The following NTM variants were observed in gnomAD, a reference collection of about 807,000 sequenced individuals.
NTM encodes the protein IgLON family member 2.
NTM carries 13 observed loss-of-function variants against 42.1 expected under a neutral mutation model. That is an observed-to-expected ratio of 0.31 (90% CI 0.20 to 0.49). NTM has a LOEUF of 0.49. Ranked by LOEUF, NTM falls within the 20% of genes least tolerant of loss-of-function variation. The pLI is 0.99. For missense variants in NTM, 373 were observed against 452.8 expected (o/e 0.82, Z 1.60); for synonymous variants, 187 against 179.2 (o/e 1.04, Z -0.35).
chr11:131,532,838 T>C (rs1302625411), intron 1 of NTM, among the ~76,000 whole-genome samples: 1 of 152,250 alleles, frequency 6.6e-6, no homozygotes, highest in Non-Finnish European at 1.5e-5. Context: ...CTGAATGTTA[T>C]TTTCATGTGT....
chr11:131,665,796 G>C (rs2068940222), intron 1 of NTM, among the ~76,000 whole-genome samples: 1 of 152,196 alleles, frequency 6.6e-6, no homozygotes. Flanking sequence ...AAAGAGGCAG[G>C]CTTGTGAGAC....
chr11:132,227,433 A>G (rs2086546233), intron 4 of NTM, among the ~76,000 whole-genome samples: 1 of 152,194 alleles, frequency 6.6e-6, no homozygotes, highest in Non-Finnish European at 1.5e-5. Flanking sequence ...GAGAAGTTTC[A>G]CTACAAAGGG....
intron 4 of NTM, among the ~76,000 whole-genome samples, chr11:132,270,335 G>A (rs1251358421): frequency 2.0e-5 from 3 of 152,056 alleles, no homozygotes; most frequent in African/African-American, 4.8e-5. Flanking sequence ...GGGTTCAAGC[G>A]ATTCTCTCAC....
At chr11:131,892,143 CTCTT>C (rs1159443732) in intron 1 of NTM, among the ~76,000 whole-genome samples, 1 of 152,134 alleles carries the variant, frequency 6.6e-6, no homozygotes, top group East Asian at 1.9e-4. Flanking sequence ...CTTCCTCCTC[CTCTT>C]TCTTCTTCTT....
chr11:131,807,370 G>T (rs2092552313), intron 1 of NTM, among the ~76,000 whole-genome samples: 1 of 152,142 alleles, frequency 6.6e-6, no homozygotes, highest in Non-Finnish European at 1.5e-5. Context: ...AAAGCTACAA[G>T]GCCACTTCAA....
intron 4 of NTM, among the ~76,000 whole-genome samples, chr11:132,220,492 G>T (rs1032512644): frequency 3.9e-5 from 6 of 152,314 alleles, no homozygotes; most frequent in Non-Finnish European, 7.3e-5. Flanking sequence ...CTTCAAAGAA[G>T]AGAGAAATAA....
At chr11:131,987,451 C>T (rs2066266714) in intron 2 of NTM, among the ~76,000 whole-genome samples, 2 of 151,426 alleles carry the variant, frequency 1.3e-5, no homozygotes, top group Non-Finnish European at 2.9e-5. Flanking sequence ...CAGCCCATCC[C>T]ATCACTTTTA....
chr11:131,604,188 G>T (rs1197668811), intron 1 of NTM, among the ~76,000 whole-genome samples: 2 of 152,104 alleles, frequency 1.3e-5, no homozygotes, highest in African/African-American at 4.8e-5. Flanking sequence ...CTCAATCCTT[G>T]TTATGATCTG....
At chr11:131,473,366 A>G (rs1002167911) in intron 1 of NTM, among the ~76,000 whole-genome samples, 1 of 152,144 alleles carries the variant, frequency 6.6e-6, no homozygotes, top group South Asian at 2.1e-4. Flanking sequence ...AGCAGAATGT[A>G]TGGATCCTGA....
chr11:131,535,636 A>T (rs1185313083), intron 1 of NTM: 1 of 152,200 alleles, frequency 6.6e-6, no homozygotes, highest in Admixed American at 6.5e-5. Context: ...GAAGGCAAAC[A>T]TTGCAATTAC....
chr11:132,117,676 G>T (rs182173455), intron 2 of NTM, among the ~76,000 whole-genome samples: 2 of 152,214 alleles, frequency 1.3e-5, no homozygotes, highest in East Asian at 3.9e-4. Flanking sequence ...GGAATTTATT[G>T]GTCTGCATTG....
intron 1 of NTM, among the ~76,000 whole-genome samples, chr11:131,847,323 T>G (rs1790958757): frequency 6.6e-6 from 1 of 150,768 alleles, no homozygotes; most frequent in South Asian, 2.1e-4. Context: ...TAAATTAAAT[T>G]TAATTCTTAT....
chr11:131,514,623 A>G (rs1351215791), intron 1 of NTM, among the ~76,000 whole-genome samples: 1 of 152,106 alleles, frequency 6.6e-6, no homozygotes, highest in Non-Finnish European at 1.5e-5. Context: ...TCTTTCTCCC[A>G]GGCTGGAGTG....
chr11:132,005,112 A>T (rs868225944), intron 2 of NTM, among the ~76,000 whole-genome samples: 1 of 152,134 alleles, frequency 6.6e-6, no homozygotes, highest in South Asian at 2.1e-4. Context: ...TAGTATTGAC[A>T]CAGCTGGTCA....
At chr11:131,624,468 C>A (rs2062904558) in intron 1 of NTM, among the ~76,000 whole-genome samples, 2 of 152,218 alleles carry the variant, frequency 1.3e-5, no homozygotes, top group South Asian at 4.2e-4. Flanking sequence ...GTGTCTGTGG[C>A]CTCATAAGCC....
intron 2 of NTM, among the ~76,000 whole-genome samples, chr11:132,130,644 T>G (rs533832452): frequency 3.7e-4 from 56 of 152,300 alleles, no homozygotes; most frequent in African/African-American, 1.3e-3. Context: ...CACTTTCTAG[T>G]CTAATCTCCT....
intron 7 of NTM, among the ~76,000 whole-genome samples, chr11:132,329,386 G>C (rs919622989): frequency 6.6e-6 from 1 of 152,204 alleles, no homozygotes; most frequent in Admixed American, 6.5e-5. Flanking sequence ...AGTTGAAGCT[G>C]GTGAAATGGA....
At chr11:132,180,354 G>A (rs928802717) in intron 3 of NTM, among the ~76,000 whole-genome samples, 9 of 152,058 alleles carry the variant, frequency 5.9e-5, no homozygotes, top group African/African-American at 2.2e-4. Context: ...CTACTAAACA[G>A]TGATGGATTA....
intron 1 of NTM, among the ~76,000 whole-genome samples, chr11:131,451,494 T>C (rs1591704808): frequency 6.6e-6 from 1 of 151,836 alleles, no homozygotes; most frequent in Admixed American, 6.6e-5. Context: ...AGACTGGGGG[T>C]GCAGCTGGAA....
Sources: gnomAD v4.1 joint callset for allele counts (sites outside exome capture counted in the v4.1 genomes callset) on GRCh38, gnomAD v4.1.1 for gene constraint, MANE v1.5 for transcripts, NCBI Gene and HGNC (gene_info 2026-07-23, HGNC 2026-07-21) for gene names.